The following RABGAP1L variants were observed in gnomAD, a reference collection of about 807,000 sequenced individuals.
The protein encoded by RABGAP1L is rab GTPase-activating protein 1-like.
RABGAP1L carries 63 observed loss-of-function variants against 137.7 expected under a neutral mutation model. The observed-to-expected ratio is 0.46, with a 90% CI of 0.37 to 0.56. The LOEUF is 0.56. Ranked by LOEUF, RABGAP1L falls within the 20% of genes least tolerant of loss-of-function variation. The pLI, the probability that RABGAP1L is intolerant of heterozygous loss-of-function variation, is 0.00. For missense variants in RABGAP1L, 1,095 were observed against 1,244.0 expected (o/e 0.88, Z 1.80); for synonymous variants, 431 against 433.7 (o/e 0.99, Z 0.08).
At chr1:174,256,067 A>G (rs539459110) in intron 7 of RABGAP1L, among the ~76,000 whole-genome samples, 2 of 152,312 alleles carry the variant, frequency 1.3e-5, no homozygotes, top group South Asian at 4.1e-4. Flanking sequence ...CAGTTAACCT[A>G]ATAATATCCT....
chr1:174,573,004 G>A (rs1037044871), intron 13 of RABGAP1L, among the ~76,000 whole-genome samples: 2 of 152,038 alleles, frequency 1.3e-5, no homozygotes, highest in Non-Finnish European at 2.9e-5. Flanking sequence ...GGGATTAATC[G>A]ACTTTGCCAA....
intron 19 of RABGAP1L, among the ~76,000 whole-genome samples, chr1:174,945,344 C>T (rs1666565592): frequency 6.6e-6 from 1 of 152,154 alleles, no homozygotes; most frequent in Non-Finnish European, 1.5e-5. Context: ...TAACCAAAAA[C>T]TTATTTACAA....
chr1:174,194,149 C>CAGTCA (rs1307005398), intron 1 of RABGAP1L, among the ~76,000 whole-genome samples: 1 of 152,050 alleles, frequency 6.6e-6, no homozygotes, highest in Admixed American at 6.6e-5. Context: ...ACTAAGCACT[C>CAGTCA]AGTCAGTCAT....
intron 11 of RABGAP1L, among the ~76,000 whole-genome samples, chr1:174,305,586 A>G (rs1678137681): frequency 6.6e-6 from 1 of 151,804 alleles, no homozygotes; most frequent in African/African-American, 2.4e-5. Context: ...GGGTTTCGCC[A>G]TGTTGGCCAG....
chr1:174,776,308 G>A (rs1686521093), intron 18 of RABGAP1L, among the ~76,000 whole-genome samples: 1 of 152,106 alleles, frequency 6.6e-6, no homozygotes, highest in Non-Finnish European at 1.5e-5. Flanking sequence ...CCGGTGGGTG[G>A]AGGTTGCAGT....
intron 11 of RABGAP1L, among the ~76,000 whole-genome samples, chr1:174,327,978 T>TAC (rs71563255): frequency 5.2e-5 from 1 of 19,076 alleles, no homozygotes; most frequent in Non-Finnish European, 9.1e-5. Flanking sequence ...TATATATATA[T>TAC]ACACACACAT....
At chr1:174,440,439 A>G (rs1026818762) in intron 13 of RABGAP1L, among the ~76,000 whole-genome samples, 13 of 152,220 alleles carry the variant, frequency 8.5e-5, no homozygotes, top group African/African-American at 3.1e-4. Context: ...TAGGGTAATG[A>G]TAGTGAAGAT....
rs1417239767 is a variant in RABGAP1L at position 174,278,637 on chromosome 1, C to T, written c.1181C>T (p.Ala394Val). The T allele has an allele frequency of 6.2e-7, 1 of 1,612,938 alleles. No individual in the cohort carries two copies. Among genetic ancestry groups the T allele is most frequent in the East Asian group, 2.2e-5 (1 of 44,728 alleles). Reference sequence around the variant, plus strand: ...GATAAGCAAGTATACATGACTGTGGCAGTGGATATGGTAGTCACAGAGGTG... The same window carrying T: ...GATAAGCAAGTATACATGACTGTGGTAGTGGATATGGTAGTCACAGAGGTG... ...PKDKQVYMTV[A>V]VDMVVTEVVE... The change falls in exon 10 of 26, where the codon GCA (alanine) becomes GTA (valine). Residue 394 changes from alanine to valine, a missense_variant. Transcript: ENST00000681986.
chr1:174,312,466 A>G (rs10912761), intron 11 of RABGAP1L, among the ~76,000 whole-genome samples: 1 of 151,844 alleles, frequency 6.6e-6, no homozygotes, highest in Admixed American at 6.6e-5. Flanking sequence ...TCCTACAGAG[A>G]TGTTTGAGCT....
intron 17 of RABGAP1L, among the ~76,000 whole-genome samples, chr1:174,744,158 C>CA (rs1200688519): frequency 7.4e-6 from 1 of 135,850 alleles, no homozygotes; most frequent in Non-Finnish European, 1.6e-5. Context: ...CTCTAGTGGA[C>CA]ATTCAGAACA....
chr1:174,213,158 C>T (rs775284731), intron 1 of RABGAP1L, among the ~76,000 whole-genome samples: 6 of 152,186 alleles, frequency 3.9e-5, no homozygotes, highest in Non-Finnish European at 7.3e-5. Context: ...GGCATGGTGG[C>T]TCATGCCTGT....
chr1:174,784,203 T>G (rs1687279313), intron 18 of RABGAP1L, among the ~76,000 whole-genome samples: 1 of 151,770 alleles, frequency 6.6e-6, no homozygotes, highest in Non-Finnish European at 1.5e-5. Context: ...GTATTTTTAG[T>G]AGTGACGGAG....
intron 13 of RABGAP1L, among the ~76,000 whole-genome samples, chr1:174,492,892 G>T (rs1660399095): frequency 6.6e-6 from 1 of 151,586 alleles, no homozygotes; most frequent in Non-Finnish European, 1.5e-5. Context: ...GTATAAGCAG[G>T]TATACTCACT....
rs373857782 is a variant in RABGAP1L at position 174,377,760 on chromosome 1, T to TCTCTC, written c.1559+6688_1559+6689insCTCTC. On this transcript the variant is annotated intron_variant, in intron 12 of 25. Coordinates refer to ENST00000681986, the MANE Select transcript of RABGAP1L (RefSeq NM_001366446.1). ...AAGCGTAGCATAGCAACTGCAACTC[T>TCTCTC]TTTTTTTTTTTTTAAGATTTTATTA... Among the ~76,000 whole-genome samples the TCTCTC allele has an allele frequency of 3.2e-3, 395 of 123,160 alleles. 3 individuals carry two copies. Among genetic ancestry groups the TCTCTC allele is most frequent in the African/African-American group, 0.011 (366 of 34,846 alleles). The allele number at this position is 123,160 out of a possible 152,430, so 80.8% of individuals were successfully genotyped here. A position where few individuals can be genotyped will look rare whatever the true frequency, so the allele number is the denominator to read the frequency against.
intron 18 of RABGAP1L, among the ~76,000 whole-genome samples, chr1:174,805,120 A>G (rs911365080): frequency 2.0e-5 from 3 of 152,208 alleles, no homozygotes; most frequent in Non-Finnish European, 4.4e-5. Flanking sequence ...ACTTTTGAAT[A>G]TTGGATATGC....
At chr1:174,332,579 A>G (rs1681126606) in intron 11 of RABGAP1L, among the ~76,000 whole-genome samples, 1 of 151,988 alleles carries the variant, frequency 6.6e-6, no homozygotes, top group African/African-American at 2.4e-5. Flanking sequence ...TATTTTTAGT[A>G]GAGATGGGGT....
At chr1:174,576,493 A>C (rs561310655) in intron 13 of RABGAP1L, among the ~76,000 whole-genome samples, 1 of 152,320 alleles carries the variant, frequency 6.6e-6, no homozygotes, top group Non-Finnish European at 1.5e-5. Context: ...GAAGCAAATC[A>C]CACGCTGTTG....
In RABGAP1L at chr1:174,612,650, C is replaced by A. The variant is rs938342995; in HGVS notation, c.1711-24725C>A. ...GGAATGGTACCAGTTACTCCTTGTA[C>A]CTCTGGTAGAATTCGGCTGTGAATC... On this transcript the variant is annotated intron_variant, in intron 13 of 25. Coordinates refer to ENST00000681986, the MANE Select transcript of RABGAP1L (RefSeq NM_001366446.1). Among the ~76,000 whole-genome samples the A allele has an allele frequency of 1.8e-4, 27 of 152,250 alleles. 1 individual carries two copies. The highest frequency in any genetic ancestry group is 6.3e-4 in the African/African-American group (26 of 41,546).
chr1:174,390,932 T>G (rs1687169073), intron 12 of RABGAP1L, among the ~76,000 whole-genome samples: 1 of 151,992 alleles, frequency 6.6e-6, no homozygotes, highest in Admixed American at 6.6e-5. Context: ...TGATAATGCC[T>G]AGAGACAAGA....
Sources: gnomAD v4.1 joint callset for allele counts (sites outside exome capture counted in the v4.1 genomes callset) on GRCh38, gnomAD v4.1.1 for gene constraint, MANE v1.5 for transcripts, NCBI Gene and HGNC (gene_info 2026-07-23, HGNC 2026-07-21) for gene names.